Variants in DLGAP2 observed in about 807,000 individuals in gnomAD.
The protein encoded by DLGAP2 is DLG associated protein 2.
A neutral mutation model predicts 100.3 loss-of-function variants in DLGAP2; 26 were observed. The ratio of observed to expected loss-of-function variants is 0.26; its 90% confidence interval spans 0.19 to 0.36. The LOEUF is 0.36. Among genes scored for constraint, DLGAP2 ranks in the 10% least tolerant of loss-of-function variants. DLGAP2 has a pLI of 1.00. For missense variants in DLGAP2, 1,858 were observed against 1,453.2 expected, an observed-to-expected ratio of 1.28 and a Z score of -4.53; for synonymous variants, 886 against 630.1, an observed-to-expected ratio of 1.41 and a Z score of -6.08.
At chr8:1,279,807 C>A in intron 3 of DLGAP2, among the ~76,000 whole-genome samples, 1 of 152,204 alleles carries the variant, frequency 6.6e-6, no homozygotes, top group East Asian at 1.9e-4. Flanking sequence ...GGAGTCTCAT[C>A]ACCACATCAC....
intron 3 of DLGAP2, among the ~76,000 whole-genome samples, chr8:1,337,549 A>G (rs1349716650): frequency 6.7e-6 from 1 of 150,044 alleles, no homozygotes; most frequent in South Asian, 2.2e-4. Context: ...GATGATGATC[A>G]TAATGGTGGT....
At chr8:1,054,016 G>A (rs145724212) in intron 2 of DLGAP2, among the ~76,000 whole-genome samples, 1 of 152,110 alleles carries the variant, frequency 6.6e-6, no homozygotes, top group African/African-American at 2.4e-5. Context: ...GTGTTACACC[G>A]GCTTCCTTTT....
intron 4 of DLGAP2, among the ~76,000 whole-genome samples, chr8:1,515,341 C>G (rs1800330748): frequency 6.6e-6 from 1 of 152,210 alleles, no homozygotes; most frequent in Non-Finnish European, 1.5e-5. Flanking sequence ...AGTCCTCTCC[C>G]TTCCCTTAAG....
At chr8:786,114 G>A (rs964259127) in intron 1 of DLGAP2, among the ~76,000 whole-genome samples, 14 of 152,224 alleles carry the variant, frequency 9.2e-5, no homozygotes, top group African/African-American at 3.4e-4. Context: ...AAACACCCAT[G>A]CCTGAGCTTA....
intron 2 of DLGAP2, among the ~76,000 whole-genome samples, chr8:998,028 C>A (rs11782491): frequency 0.2 from 30,145 of 152,002 alleles, 3,162 homozygotes; most frequent in Admixed American, 0.25. Flanking sequence ...CACAAACATG[C>A]ATAAACATGT....
At chr8:1,180,718 G>A (rs1797365979) in intron 2 of DLGAP2, among the ~76,000 whole-genome samples, 1 of 151,636 alleles carries the variant, frequency 6.6e-6, no homozygotes, top group African/African-American at 2.4e-5. Context: ...GGGTGTGCAA[G>A]GGCAGCACAC....
In DLGAP2 at chr8:1,357,145, C is replaced by G. The variant is rs1158722505; in HGVS notation, c.106+98262C>G. Among the ~76,000 whole-genome samples the G allele has an allele frequency of 2.6e-5, 4 of 152,130 alleles. No homozygotes were observed. In the South Asian group the frequency reaches 6.2e-4, roughly 24 times the overall value. ...GTGTCTACTGCAGAAGACGTGTGCT[C>G]TTCACCAGTCTGTGGACCAGGAAAC... is the stretch of plus-strand genomic sequence containing the variant. On this transcript the variant is annotated intron_variant, in intron 3 of 14. Transcript: ENST00000637795.
chr8:1,698,778 A>G (rs1484531720), intron 14 of DLGAP2, among the ~76,000 whole-genome samples: 9 of 151,404 alleles, frequency 5.9e-5, no homozygotes, highest in Admixed American at 5.9e-4. Flanking sequence ...CATGTTTGGG[A>G]CAGGTCTGTG....
intron 2 of DLGAP2, among the ~76,000 whole-genome samples, chr8:916,667 A>G (rs776197097): frequency 3.3e-5 from 5 of 152,346 alleles, no homozygotes; most frequent in Non-Finnish European, 5.9e-5. Flanking sequence ...AAAAAAAATT[A>G]AAGAAAATAA....
intron 3 of DLGAP2, among the ~76,000 whole-genome samples, chr8:1,356,506 G>T (rs1005381048): frequency 6.6e-6 from 1 of 152,284 alleles, no homozygotes; most frequent in South Asian, 2.1e-4. Context: ...TGTCTGTGCT[G>T]GTGGCCTGGG....
intron 2 of DLGAP2, among the ~76,000 whole-genome samples, chr8:1,131,213 C>G (rs912458257): frequency 1.3e-5 from 2 of 152,172 alleles, no homozygotes; most frequent in African/African-American, 4.8e-5. Context: ...AGTAGCCACT[C>G]AGAGTCAGGG....
intron 3 of DLGAP2, among the ~76,000 whole-genome samples, chr8:1,487,686 TC>T (rs1799265125): frequency 1.3e-5 from 2 of 152,302 alleles, no homozygotes; most frequent in South Asian, 4.1e-4. Flanking sequence ...CATATGTGAT[TC>T]TCCTGCCTGG....
intron 3 of DLGAP2, among the ~76,000 whole-genome samples, chr8:1,446,632 G>A (rs1481102888): frequency 3.3e-5 from 5 of 152,324 alleles, no homozygotes; most frequent in African/African-American, 1.2e-4. Context: ...TGTGAAGAAA[G>A]TCATTGGTAG....
chr8:1,475,696 G>T (rs1339336846), intron 3 of DLGAP2, among the ~76,000 whole-genome samples: 1 of 152,180 alleles, frequency 6.6e-6, no homozygotes, highest in African/African-American at 2.4e-5. Flanking sequence ...CCCTCGCGTG[G>T]TCCACGGCAG....
intron 6 of DLGAP2, among the ~76,000 whole-genome samples, chr8:1,588,979 G>C (rs1393507492): frequency 6.6e-6 from 1 of 152,092 alleles, no homozygotes; most frequent in African/African-American, 2.4e-5. Context: ...TTAATCTCTT[G>C]TAAAACACAC....
chr8:1,202,263 T>A, intron 2 of DLGAP2, among the ~76,000 whole-genome samples: 1 of 147,750 alleles, frequency 6.8e-6, no homozygotes, highest in Admixed American at 6.7e-5. Flanking sequence ...TGTGTGTGTG[T>A]GTGTGTGTGT....
chr8:964,732 C>G (rs1799805652), intron 2 of DLGAP2, among the ~76,000 whole-genome samples: 1 of 152,210 alleles, frequency 6.6e-6, no homozygotes, highest in African/African-American at 2.4e-5. Flanking sequence ...CATTTGCTCT[C>G]AAGGGTGGGC....
chr8:1,606,402 T>TA (rs1395662869), intron 6 of DLGAP2, among the ~76,000 whole-genome samples: 2 of 152,070 alleles, frequency 1.3e-5, no homozygotes, highest in Non-Finnish European at 2.9e-5. Flanking sequence ...GTACCGTCAC[T>TA]CCCCACTTCC....
At chr8:1,041,878 C>G (rs1254984437) in intron 2 of DLGAP2, among the ~76,000 whole-genome samples, 1 of 152,172 alleles carries the variant, frequency 6.6e-6, no homozygotes, top group Non-Finnish European at 1.5e-5. Context: ...CAGCTGGACT[C>G]TCACCATGCG....
Sources: allele counts gnomAD v4.1 joint callset (sites outside exome capture counted in the v4.1 genomes callset), GRCh38; gene constraint gnomAD v4.1.1; transcripts MANE v1.5; gene names NCBI Gene and HGNC (gene_info 2026-07-23, HGNC 2026-07-21).